CPZ: variants seen among roughly 807,000 people sequenced by gnomAD.
CPZ encodes carboxypeptidase Z.
In CPZ, 103 loss-of-function variants were observed where a neutral mutation model predicts 61.8. The observed-to-expected ratio is 1.67, with a 90% CI of 1.42 to 1.96. CPZ has a LOEUF of 1.96. Ranked by LOEUF, CPZ falls within the 30% of genes most tolerant of loss-of-function variation. CPZ has a pLI of 0.00. For missense variants in CPZ, 1,461 were observed against 914.9 expected (o/e 1.60, Z -7.70); for synonymous variants, 551 against 373.7 (o/e 1.47, Z -5.47).
At chr4:8,600,583 C>G (rs991085564) in intron 2 of CPZ, among the ~76,000 whole-genome samples, 2 of 152,234 alleles carry the variant, frequency 1.3e-5, no homozygotes, top group African/African-American at 4.8e-5. Flanking sequence ...ACAATGAGGA[C>G]CCTACCCTCT....
In CPZ at chr4:8,606,677, T is replaced by C. The variant is rs893794268; in HGVS notation, c.907-60T>C. The stretch of plus-strand genomic sequence containing the variant: ...CCCTCAGCCCAGCGTGAGACCCATC[T>C]GGAAGGAGGAGGGTGGGGTGTGCTG... On this transcript the variant is annotated intron_variant, in intron 5 of 10. Transcript: ENST00000360986. 3.7e-6 allele frequency: 6 copies of C among 1,607,006 alleles called. No individual in the cohort carries two copies. In the Admixed American group the frequency reaches 1.0e-4, roughly 27 times the overall value.
intron 9 of CPZ, among the ~76,000 whole-genome samples, chr4:8,617,606 A>C (rs1716287148): frequency 6.6e-6 from 1 of 152,244 alleles, no homozygotes; most frequent in Non-Finnish European, 1.5e-5. Context: ...CTGGAAGCAC[A>C]GCAGGGCCTG....
chr4:8,597,735 C>G (rs1305134364), intron 1 of CPZ: 1 of 152,274 alleles, frequency 6.6e-6, no homozygotes, highest in Non-Finnish European at 1.5e-5. Flanking sequence ...TGTTCTGAAA[C>G]CATCGCAGGA....
intron 7 of CPZ, among the ~76,000 whole-genome samples, chr4:8,609,836 A>C (rs918191366): frequency 6.6e-6 from 1 of 152,202 alleles, no homozygotes; most frequent in African/African-American, 2.4e-5. Context: ...ATCTCTGGAA[A>C]CCAGGGTCCC....
intron 1 of CPZ, 53 bp from the exon 2 acceptor site, chr4:8,599,400 T>G: frequency 6.5e-7 from 1 of 1,548,816 alleles, no homozygotes; most frequent in Admixed American, 1.8e-5. Context: ...TGTTGCCCGG[T>G]GAGTGAAGGA....
intron 9 of CPZ, among the ~76,000 whole-genome samples, chr4:8,615,520 G>A (rs1358484021): frequency 1.3e-5 from 2 of 152,246 alleles, no homozygotes; most frequent in East Asian, 1.9e-4. Context: ...AGCAAGGAGA[G>A]GTGAGGGCGC....
At position 8,612,119 on chromosome 4, in the gene CPZ, G is replaced by T; in HGVS notation, c.1320G>T (p.Arg440Ser). Residue 440 changes from arginine to serine, a missense_variant, in exon 8 of 11, where the codon AGG becomes AGT. Arg to Ser is a moderately radical substitution (Grantham distance 110, BLOSUM62 -1). Coordinates refer to ENST00000360986, the MANE Select transcript of CPZ (RefSeq NM_001014447.3). The part of the protein sequence containing the change: ...ENRCGGNFLK[R>S]GSIINGADWY... ...GGTGTGGAGGCAATTTCCTGAAGAG[G>T]GGGAGCATCATCAACGGGGCGGACT... The T allele has an allele frequency of 1.2e-6, 2 of 1,610,612 alleles. No homozygotes were observed. Among genetic ancestry groups the T allele is most frequent in the Non-Finnish European group, 1.7e-6 (2 of 1,178,782 alleles).
Position 8,607,359 on chromosome 4 carries a change from CT to C in CPZ, c.1162del (p.Tyr388ThrfsTer37). 1 of 1,614,088 alleles carries C rather than the reference CT, an allele frequency of 6.2e-7. No individual in the cohort carries two copies. The highest frequency in any genetic ancestry group is 8.5e-7 in the Non-Finnish European group (1 of 1,179,960). ...TTCATGGGGGCGACCTGGTGGTGTCCTACCCCTTCGACTTCTCCAAGCACCC... is the reference window on the plus strand; with the variant it reads ...TTCATGGGGGCGACCTGGTGGTGTCCACCCCTTCGACTTCTCCAAGCACCC... Reference protein sequence around the residue: ...SLHGGDLVVSYPFDFSKHPQE... With the variant: ...SLHGGDLVVSXPFDFSKHPQE... On this transcript the variant is annotated frameshift_variant, in exon 7 of 11. Coordinates refer to ENST00000360986, the MANE Select transcript of CPZ (RefSeq NM_001014447.3). LOFTEE classifies it high-confidence loss of function.
chr4:8,608,792 A>C (rs539637199), intron 7 of CPZ, among the ~76,000 whole-genome samples: 1 of 139,128 alleles, frequency 7.2e-6, no homozygotes, highest in East Asian at 2.3e-4. Flanking sequence ...CAGGGCAGGG[A>C]GGGGCACTGG....
chr4:8,615,816 C>T (rs968116375), intron 9 of CPZ, among the ~76,000 whole-genome samples: 1 of 152,222 alleles, frequency 6.6e-6, no homozygotes, highest in African/African-American at 2.4e-5. Context: ...GAACCTTCCT[C>T]CAAGTAAGAA....
chr4:8,596,498 G>A (rs964436880), intron 1 of CPZ, among the ~76,000 whole-genome samples: 2 of 152,210 alleles, frequency 1.3e-5, no homozygotes, highest in Non-Finnish European at 2.9e-5. Flanking sequence ...GGGAAACCCC[G>A]ATGGGGCTGC....
In CPZ at chr4:8,605,634, T is replaced by TCCATCCACCC. The variant is rs1553876826; in HGVS notation, c.710-355_710-354insCCATCCACCC. 3.3e-3 allele frequency among the ~76,000 whole-genome samples: 487 copies of TCCATCCACCC among 148,670 alleles called. 4 individuals are homozygous for TCCATCCACCC. Among genetic ancestry groups the TCCATCCACCC allele is most frequent in the South Asian group, 0.021 (97 of 4,668 alleles). On this transcript the variant is annotated intron_variant, in intron 4 of 10. Transcript: ENST00000360986. ...TCCATCCATCCATCCATCATTGATA[T>TCCATCCACCC]ATCCATTCATCCACTCAAGGGCCAA... is the stretch of plus-strand genomic sequence containing the variant.
intron 3 of CPZ, 159 bp downstream of exon 3, chr4:8,601,656 C>T (rs1168375270): frequency 1.2e-6 from 1 of 801,330 alleles, no homozygotes; most frequent in Non-Finnish European, 1.8e-6. Context: ...ATGTTCCCCA[C>T]AAAAGGGTGC....
intron 1 of CPZ, among the ~76,000 whole-genome samples, chr4:8,596,145 A>G (rs924107579): frequency 6.6e-6 from 1 of 151,770 alleles, no homozygotes; most frequent in Non-Finnish European, 1.5e-5. Flanking sequence ...TCCACCTCCC[A>G]GGTTCAAGTG....
intron 7 of CPZ, 28 bp downstream of exon 7, chr4:8,607,453 G>A (rs1389072738): frequency 6.2e-7 from 1 of 1,610,196 alleles, no homozygotes; most frequent in Non-Finnish European, 8.5e-7. Context: ...TGTGTGCAGG[G>A]GAGGGAGACA....
At chr4:8,608,415 G>A (rs1283553226) in intron 7 of CPZ, among the ~76,000 whole-genome samples, 2 of 152,186 alleles carry the variant, frequency 1.3e-5, no homozygotes, top group Admixed American at 6.5e-5. Flanking sequence ...GTCACACATC[G>A]TTTGTTCTCC....
At chr4:8,597,004 G>A (rs1714228304) in intron 1 of CPZ, among the ~76,000 whole-genome samples, 1 of 152,250 alleles carries the variant, frequency 6.6e-6, no homozygotes, top group Non-Finnish European at 1.5e-5. Context: ...CTCAGTGCCA[G>A]CCGGGCACCG....
intron 4 of CPZ, among the ~76,000 whole-genome samples, chr4:8,605,598 T>TCATC (rs200204306): frequency 0.047 from 6,621 of 140,242 alleles, 286 homozygotes; most frequent in African/African-American, 0.12. Context: ...CAGCCATTAT[T>TCATC]CATCCATCCA....
At chr4:8,607,776 G>T (rs1045738202) in intron 7 of CPZ, among the ~76,000 whole-genome samples, 1 of 152,174 alleles carries the variant, frequency 6.6e-6, no homozygotes, top group South Asian at 2.1e-4. Context: ...CCGCAGAGGG[G>T]TGCGTTTCCG....
Sources: gnomAD v4.1 joint callset for allele counts (sites outside exome capture counted in the v4.1 genomes callset) on GRCh38, gnomAD v4.1.1 for gene constraint, MANE v1.5 for transcripts, NCBI Gene and HGNC (gene_info 2026-07-23, HGNC 2026-07-21) for gene names.